The following BDH2 variants were observed in gnomAD, a reference collection of about 807,000 sequenced individuals.
BDH2 encodes the protein dehydrogenase/reductase SDR family member 6.
In BDH2, 24 loss-of-function variants were observed where a neutral mutation model predicts 33.2. The ratio of observed to expected loss-of-function variants is 0.72; its 90% CI spans 0.52 to 1.02. The LOEUF is 1.02. Among genes scored for constraint, BDH2 ranks in the 50% least tolerant of loss-of-function variants. BDH2 has a pLI of 0.00. For synonymous variants in BDH2, 81 were observed against 101.6 expected (o/e 0.80, Z 1.22); for missense variants, 249 against 301.6 (o/e 0.83, Z 1.29).
chr4:103,080,642 A>G (rs990553782), intron 9 of BDH2, among the ~76,000 whole-genome samples: 2 of 152,222 alleles, frequency 1.3e-5, no homozygotes, highest in East Asian at 3.8e-4. Flanking sequence ...AACTCCCCCA[A>G]GTTCTTTTAA....
chr4:103,095,543 A>G (rs1165363343), intron 2 of BDH2, among the ~76,000 whole-genome samples: 1 of 152,178 alleles, frequency 6.6e-6, no homozygotes, highest in Non-Finnish European at 1.5e-5. Context: ...ACGTTCTTAA[A>G]AAAATGACAG....
intron 7 of BDH2, among the ~76,000 whole-genome samples, chr4:103,083,433 G>A (rs1026116279): frequency 8.5e-5 from 13 of 152,176 alleles, no homozygotes; most frequent in African/African-American, 1.9e-4. Context: ...TTCAGGTGGC[G>A]CTAAATTTTT....
Position 103,079,712 on chromosome 4 carries a change from C to T in BDH2, c.728G>A (p.Trp243Ter). The T allele has an allele frequency of 6.2e-7, 1 of 1,613,926 alleles. No homozygotes were observed. The highest frequency in any genetic ancestry group is 8.5e-7 in the Non-Finnish European group (1 of 1,179,866). ...TGNPVIIDGG[W>*]SL ...ATGGAGATCCTAAAATCACAAGCTC[C>T]AGCCTCCATCAATGATGACAGGGTT... The change falls in exon 10 of 10, where the codon TGG becomes TAG. Residue 243 changes from tryptophan (W) to a stop codon, truncating the protein, a stop_gained. Transcript: ENST00000296424. LOFTEE classifies it high-confidence loss of function.
At chr4:103,095,363 C>T in intron 2 of BDH2, 82 bp from the exon 3 acceptor site, 1 of 1,021,418 alleles carries the variant, frequency 9.8e-7, no homozygotes, top group Non-Finnish European at 1.5e-6. Flanking sequence ...TGGTCTTTTT[C>T]TCCTTTATCT....
intron 5 of BDH2, among the ~76,000 whole-genome samples, chr4:103,088,902 G>A (rs953480359): frequency 6.6e-5 from 10 of 152,106 alleles, no homozygotes; most frequent in Admixed American, 2.6e-4. Context: ...CAGCAAGGTG[G>A]GGGAAAAAAG....
In BDH2 at chr4:103,079,770, A is replaced by G. The variant is rs780616276; in HGVS notation, c.685-15T>C. On this transcript the variant is annotated splice_polypyrimidine_tract_variant and intron_variant, in intron 9 of 9. Transcript: ENST00000296424. ...ACATAAGCAGACTGCAGTGATAAAC[A>G]CAAGGAGACAGAACAATTAACCAGG... The G allele has an allele frequency of 1.2e-6, 2 of 1,609,918 alleles. No homozygotes were observed. Among genetic ancestry groups the G allele is most frequent in the East Asian group, 4.5e-5 (2 of 44,842 alleles).
rs778825289 is a variant in BDH2 at position 103,085,451 on chromosome 4, T to C, written c.430A>G (p.Arg144Gly). The C allele has an allele frequency of 3.7e-6, 6 of 1,612,484 alleles. No individual in the cohort carries two copies. The South Asian group carries it at 6.6e-5, about 18-fold the overall frequency. ...VASSVKGVVN[R>G]CVYSTTKAAV... is the part of the protein sequence containing the mutation. Reference sequence around the variant, plus strand: ...GCCTTGGTTGTGCTGTACACACATCTGTTCACAACTCCTGAGGGTGGAGGA... The same window carrying C: ...GCCTTGGTTGTGCTGTACACACATCCGTTCACAACTCCTGAGGGTGGAGGA... The change falls in exon 7 of 10, where the codon AGA becomes GGA. Residue 144 changes from arginine (R) to glycine (G), a missense_variant. Arg to Gly is a moderately radical substitution (Grantham distance 125). Transcript: ENST00000296424.
chr4:103,088,733 C>G (rs1417992899), intron 5 of BDH2, among the ~76,000 whole-genome samples: 2 of 152,190 alleles, frequency 1.3e-5, no homozygotes, highest in African/African-American at 2.4e-5. Context: ...TCTGACCCAG[C>G]CCTTCTGTCT....
chr4:103,078,422 C>T lies in BDH2; in HGVS notation c.*1280G>A, dbSNP rs1305164136. ...TACTTAATTTAGAAAAGAAATCCCTCTAACTGACAATATTGTTAGCTAACT... is the reference window on the plus strand; with the variant it reads ...TACTTAATTTAGAAAAGAAATCCCTTTAACTGACAATATTGTTAGCTAACT... On this transcript the variant is annotated 3_prime_UTR_variant, in exon 10 of 10. Transcript: ENST00000296424. Among the ~76,000 whole-genome samples the T allele has an allele frequency of 2.0e-5, 3 of 152,198 alleles. No individual in the cohort carries two copies. Among genetic ancestry groups the T allele is most frequent in the African/African-American group, 7.2e-5 (3 of 41,446 alleles).
In BDH2 at chr4:103,085,708, G is replaced by A. The variant is rs1438840419; in HGVS notation, c.419-246C>T. 7 of 1,425,276 alleles carry A rather than the reference G, an allele frequency of 4.9e-6. No homozygotes were observed. In the East Asian group the frequency reaches 1.7e-4, roughly 34 times the overall value. 88.3% of individuals were successfully genotyped at this position (1,425,276 alleles called of 1,614,324 possible). A position where few individuals can be genotyped will look rare whatever the true frequency, so the allele number is the denominator to read the frequency against. On this transcript the variant is annotated intron_variant, in intron 6 of 9. Coordinates refer to ENST00000296424, the MANE Select transcript of BDH2 (RefSeq NM_020139.4). Reference sequence around the variant, plus strand: ...GAAATGCTGAACTTACTTAACATTGGTAGTCTTAGTTTCTCATCATCAGTT... The same window carrying A: ...GAAATGCTGAACTTACTTAACATTGATAGTCTTAGTTTCTCATCATCAGTT...
At chr4:103,091,143 GTGCT>G in intron 5 of BDH2, 30 bp downstream of exon 5, 1 of 1,391,982 alleles carries the variant, frequency 7.2e-7, no homozygotes, top group Admixed American at 1.7e-5. Context: ...ACCTAATGTG[GTGCT>G]TATCCTGGTG....
At chr4:103,085,314 A>C (rs768526222) in intron 7 of BDH2, 35 bp downstream of exon 7, 127 of 1,531,730 alleles carry the variant, frequency 8.3e-5, no homozygotes, top group Non-Finnish European at 1.1e-4. Flanking sequence ...TGTTTCAGTA[A>C]AACTTTGCTT....
At position 103,079,479 on chromosome 4, in the gene BDH2, G is replaced by A; in HGVS notation, c.*223C>T. ...ATTTTAAAAACTATTCTCCTGCTATGAGTTCAATATTTTTATTTCTTTACA... is the reference window on the plus strand; with the variant it reads ...ATTTTAAAAACTATTCTCCTGCTATAAGTTCAATATTTTTATTTCTTTACA... On this transcript the variant is annotated 3_prime_UTR_variant, in exon 10 of 10. Coordinates refer to ENST00000296424, the MANE Select transcript of BDH2 (RefSeq NM_020139.4). 5.7e-6 allele frequency: 3 copies of A among 524,136 alleles called. No individual in the cohort carries two copies. Among genetic ancestry groups the A allele is most frequent in the East Asian group, 3.2e-5 (1 of 31,008 alleles). The allele number at this position is 524,136 out of a possible 1,614,324, so 32.5% of individuals were successfully genotyped here. A position where few individuals can be genotyped will look rare whatever the true frequency, so the allele number is the denominator to read the frequency against.
intron 6 of BDH2, 147 bp downstream of exon 6, chr4:103,086,333 G>T: frequency 7.4e-7 from 1 of 1,346,918 alleles, no homozygotes; most frequent in South Asian, 2.2e-5. Context: ...CTGTGGTTAA[G>T]GAACTTAATA....
intron 5 of BDH2, among the ~76,000 whole-genome samples, chr4:103,088,228 A>G (rs1485735875): frequency 6.6e-6 from 1 of 152,222 alleles, no homozygotes; most frequent in Non-Finnish European, 1.5e-5. Flanking sequence ...TTGAAAAGTA[A>G]GCCTTAAAAT....
chr4:103,098,807 T>A (rs1000324638), intron 1 of BDH2: 7 of 152,156 alleles, frequency 4.6e-5, no homozygotes, highest in Admixed American at 3.9e-4. Context: ...TTTCCCCTAA[T>A]AAAATCCATG....
intron 7 of BDH2, 90 bp from the exon 8 acceptor site, chr4:103,083,019 G>T: frequency 8.5e-7 from 1 of 1,169,680 alleles, no homozygotes; most frequent in Non-Finnish European, 1.3e-6. Flanking sequence ...GACAATCAGT[G>T]AGATTCTTCT....
Position 103,077,655 on chromosome 4 carries a change from C to CTATACATATAT in BDH2, c.*2036_*2046dup, listed in dbSNP as rs1747297868. Among the ~76,000 whole-genome samples the CTATACATATAT allele has an allele frequency of 3.3e-5, 5 of 152,250 alleles. No homozygotes were observed. In the South Asian group the frequency reaches 1.0e-3, roughly 32 times the overall value. On this transcript the variant is annotated 3_prime_UTR_variant, in exon 10 of 10. Transcript: ENST00000296424. ...TTATTTAAAATTTATTTGTTCATAG[C>CTATACATATAT]TATACATATATTATACATGTATACC...
At chr4:103,080,024 G>A (rs78956899) in intron 9 of BDH2, among the ~76,000 whole-genome samples, 263 of 152,258 alleles carry the variant, frequency 1.7e-3, no homozygotes, top group African/African-American at 6.0e-3. Flanking sequence ...CCAAATTAAG[G>A]AACAGTGATG....
Sources: gnomAD v4.1 joint callset for allele counts (sites outside exome capture counted in the v4.1 genomes callset) on GRCh38, gnomAD v4.1.1 for gene constraint, MANE v1.5 for transcripts, NCBI Gene and HGNC (gene_info 2026-07-23, HGNC 2026-07-21) for gene names.